DSCAML1: variants seen among roughly 807,000 people sequenced by gnomAD.
DSCAML1 encodes DS cell adhesion molecule like 1, also known as cell adhesion molecule DSCAML1.
In DSCAML1, 38 loss-of-function variants were observed where a neutral mutation model predicts 200.5. The ratio of observed to expected loss-of-function variants is 0.19; its 90% CI spans 0.15 to 0.25. The LOEUF is 0.25. Ranked by LOEUF, DSCAML1 falls within the 10% of genes least tolerant of loss-of-function variation. The pLI is 1.00. For missense variants in DSCAML1, 2,223 were observed against 2,858.8 expected (o/e 0.78, Z 5.07); for synonymous variants, 1,215 against 1,165.0 (o/e 1.04, Z -0.87).
At chr11:117,736,249 G>T (rs906767541) in intron 3 of DSCAML1, among the ~76,000 whole-genome samples, 1 of 152,148 alleles carries the variant, frequency 6.6e-6, no homozygotes, top group Admixed American at 6.5e-5. Flanking sequence ...GAGAATTTGC[G>T]TCCAGCTTAC....
rs1277068722 is a variant in DSCAML1, at chr11:117,780,125, T to A, written c.364+368A>T. ...CTGGGCGACAGAGTGAGGCTCTGTCTCAAAAAGCAAAAAGAAAGAGAGAGA... is the reference window on the plus strand; with the variant it reads ...CTGGGCGACAGAGTGAGGCTCTGTCACAAAAAGCAAAAAGAAAGAGAGAGA... On this transcript the variant is annotated intron_variant, in intron 2 of 32. Transcript: ENST00000651296. The surrounding 1 kb of genome is among the most constrained non-coding windows in gnomAD (Gnocchi z 4.8). Among the ~76,000 whole-genome samples, 1 of 134,282 alleles carries A rather than the reference T, an allele frequency of 7.4e-6. No homozygotes were observed. The highest frequency in any genetic ancestry group is 1.6e-5 in the Non-Finnish European group (1 of 64,202). 88.1% of individuals were successfully genotyped at this position (134,282 alleles called of 152,430 possible).
chr11:117,747,295 C>T (rs944472758), intron 3 of DSCAML1, among the ~76,000 whole-genome samples: 3 of 152,202 alleles, frequency 2.0e-5, no homozygotes, highest in African/African-American at 7.2e-5. Flanking sequence ...TTAGCAGCCC[C>T]AAACCCTAAG....
At position 117,428,439 on chromosome 11, in the gene DSCAML1, G is replaced by C. The variant is rs1444114349; in HGVS notation, c.6051C>G (p.His2017Gln). The change falls in exon 33 of 33, where the codon CAC (histidine) becomes CAG (glutamine). Residue 2017 changes from histidine to glutamine, a missense_variant. His to Gln is a conservative substitution (Grantham distance 24). This residue lies in a region of DSCAML1 where 280 missense variants were observed against 213.4 expected (regional missense o/e 1.31). Coordinates refer to ENST00000651296, the MANE Select transcript of DSCAML1 (RefSeq NM_020693.4). The stretch of plus-strand genomic sequence containing the variant: ...AGTCCCTGGAGCCCCCCATTTTGGT[G>C]TGTGGGCCCCCGGCTCGTGGAGGCT... ...STEPPRAGGP[H>Q]TKMGGSRDSL... The C allele has an allele frequency of 2.6e-6, 4 of 1,543,448 alleles. No individual in the cohort carries two copies. In the African/African-American group the frequency reaches 4.2e-5, roughly 16 times the overall value.
chr11:117,516,718 A>G lies in DSCAML1; in HGVS notation c.1532T>C (p.Met511Thr). 6.2e-7 allele frequency: 1 copy of G among 1,613,598 alleles called. No homozygotes were observed. The highest frequency in any genetic ancestry group is 8.5e-7 in the Non-Finnish European group (1 of 1,179,758). ...NVRGPPSIRA[M>T]RNITAVAGRD... The stretch of plus-strand genomic sequence containing the variant: ...CCCGGCGACTGCTGTGATGTTCCGC[A>G]TAGCCCGGATGCTGGGTGGGCCTGG... Residue 511 changes from methionine to threonine, a missense_variant, in exon 8 of 33, where the codon ATG (methionine) becomes ACG (threonine). By Grantham distance (81) the Met-to-Thr change is moderately conservative. Transcript: ENST00000651296. The surrounding 1 kb of genome is among the most constrained non-coding windows in gnomAD (Gnocchi z 5.7).
intron 3 of DSCAML1, among the ~76,000 whole-genome samples, chr11:117,550,399 C>A (rs2137390073): frequency 6.6e-6 from 1 of 152,150 alleles, no homozygotes; most frequent in African/African-American, 2.4e-5. Flanking sequence ...AGGACAGAGG[C>A]CTCAAATCCC....
chr11:117,727,659 G>A (rs552130052), intron 3 of DSCAML1, among the ~76,000 whole-genome samples: 4 of 152,328 alleles, frequency 2.6e-5, no homozygotes, highest in South Asian at 2.1e-4. Flanking sequence ...TTGAGAAGCC[G>A]ACATTTTAGC....
rs577356296 is a variant in DSCAML1, at chr11:117,785,735, G to A, written c.47-4925C>T. ...TAAAGTCTTATTGGCCTAATGTTGT[G>A]GAGTCCCCAAAAGAAAGGAGACTCA... On this transcript the variant is annotated intron_variant, in intron 1 of 32. Transcript: ENST00000651296. Among the ~76,000 whole-genome samples, 15 of 152,210 alleles carry A rather than the reference G, an allele frequency of 9.9e-5. No homozygotes were observed. In the South Asian group the frequency reaches 1.7e-3, roughly 17 times the overall value.
chr11:117,694,078 T>TAC (rs71301660), intron 3 of DSCAML1, among the ~76,000 whole-genome samples: 95 of 38,722 alleles, frequency 2.5e-3, no homozygotes, highest in East Asian at 0.018. Context: ...TATATATATA[T>TAC]ACACATATAT....
chr11:117,780,608 C>G lies in DSCAML1; in HGVS notation c.249G>C (p.Gln83His). The G allele has an allele frequency of 6.3e-7, 1 of 1,591,134 alleles. No homozygotes were observed. Among genetic ancestry groups the G allele is most frequent in the East Asian group, 2.3e-5 (1 of 43,516 alleles). Residue 83 changes from glutamine to histidine, a missense_variant, in exon 2 of 33, where the codon CAG becomes CAC. By Grantham distance (24) the Gln-to-His change is conservative. Transcript: ENST00000651296. This position sits in a 1 kb window ranked among gnomAD's most constrained non-coding sequence, Gnocchi z 4.8. ...AGGCGGAGGGGGAGAAGGGGTAGAG[C>G]TGCAGCGTCCCGTTGGCGTGGACGT... ...IRHVHANGTL[Q>H]LYPFSPSAFN...
intron 3 of DSCAML1, among the ~76,000 whole-genome samples, chr11:117,724,791 C>A (rs548034949): frequency 2.6e-5 from 4 of 152,184 alleles, no homozygotes; most frequent in Admixed American, 2.0e-4. Flanking sequence ...CTTCTCCACA[C>A]CCCCCTGACA....
intron 3 of DSCAML1, among the ~76,000 whole-genome samples, chr11:117,655,499 G>A (rs1445337575): frequency 1.2e-4 from 18 of 152,302 alleles, no homozygotes; most frequent in Non-Finnish European, 5.9e-5. Context: ...GCTAGTAAAC[G>A]GTAGAGACAG....
At chr11:117,658,902 G>A (rs1435119238) in intron 3 of DSCAML1, among the ~76,000 whole-genome samples, 1 of 152,214 alleles carries the variant, frequency 6.6e-6, no homozygotes, top group Non-Finnish European at 1.5e-5. Flanking sequence ...GTCATGTGGT[G>A]AAGACTGGAC....
chr11:117,671,269 C>A (rs145622506), intron 3 of DSCAML1, among the ~76,000 whole-genome samples: 1 of 152,228 alleles, frequency 6.6e-6, no homozygotes, highest in Non-Finnish European at 1.5e-5. Flanking sequence ...CCCAAACCCT[C>A]GCTTCATAGA....
At position 117,504,967 on chromosome 11, in the gene DSCAML1, C is replaced by T. The variant is rs1376574533; in HGVS notation, c.2139G>A (p.Val713=). The T allele has an allele frequency of 6.2e-7, 1 of 1,611,660 alleles. No individual in the cohort carries two copies. Among genetic ancestry groups the T allele is most frequent in the South Asian group, 1.1e-5 (1 of 90,320 alleles). The part of the protein sequence containing the change: ...YGKAGVLNCS[V]DGYPPPKVMW... The stretch of plus-strand genomic sequence containing the variant: ...TGACCTTGGGTGGGGGGTAGCCGTC[C>T]ACCGAGCAGTTGAGCACACCAGCTT... The change falls in exon 10 of 33, where the codon GTG becomes GTA. Residue 713 remains valine, a synonymous_variant. Coordinates refer to ENST00000651296, the MANE Select transcript of DSCAML1 (RefSeq NM_020693.4). The surrounding 1 kb of genome is among the most constrained non-coding windows in gnomAD (Gnocchi z 5.0).
intron 11 of DSCAML1, among the ~76,000 whole-genome samples, chr11:117,496,090 C>T (rs75712742): frequency 0.018 from 2,692 of 152,290 alleles, 86 homozygotes; most frequent in African/African-American, 0.061. Flanking sequence ...CCCATCCCTC[C>T]GGGAAGCTCC....
At chr11:117,582,760 C>G (rs973857522) in intron 3 of DSCAML1, among the ~76,000 whole-genome samples, 1 of 152,144 alleles carries the variant, frequency 6.6e-6, no homozygotes, top group African/African-American at 2.4e-5. Context: ...GTGCCCCAGT[C>G]CACGGGCTGT....
At chr11:117,698,697 T>C (rs763948261) in intron 3 of DSCAML1, among the ~76,000 whole-genome samples, 22 of 152,260 alleles carry the variant, frequency 1.4e-4, no homozygotes, top group Non-Finnish European at 2.8e-4. Context: ...CATCTTTTCA[T>C]GTGCTTATCG....
At chr11:117,711,383 A>C (rs1247444267) in intron 3 of DSCAML1, among the ~76,000 whole-genome samples, 1 of 152,240 alleles carries the variant, frequency 6.6e-6, no homozygotes, top group African/African-American at 2.4e-5. Context: ...AATAGCTTGC[A>C]GAAGTCCCTG....
intron 1 of DSCAML1, among the ~76,000 whole-genome samples, chr11:117,805,195 T>C (rs546395992): frequency 1.3e-5 from 2 of 152,292 alleles, no homozygotes; most frequent in African/African-American, 2.4e-5. Context: ...TTGGTGAAAG[T>C]TGGGAAATGG....
Sources: gnomAD v4.1 joint callset for allele counts (sites outside exome capture counted in the v4.1 genomes callset) on GRCh38, gnomAD v4.1.1 for gene constraint, gnomAD v4.1.1 regional missense constraint, Gnocchi (gnomAD v3.1) non-coding constraint, MANE v1.5 for transcripts, NCBI Gene and HGNC (gene_info 2026-07-23, HGNC 2026-07-21) for gene names.